Variants in MALT1 observed in about 807,000 individuals in gnomAD.
MALT1 encodes mucosa-associated lymphoid tissue lymphoma translocation protein 1.
In MALT1, 36 loss-of-function variants were observed where a neutral mutation model predicts 85.5. The observed-to-expected ratio is 0.42, with a 90% CI of 0.32 to 0.56. MALT1 has a LOEUF of 0.56. Among genes scored for constraint, MALT1 ranks in the 20% least tolerant of loss-of-function variants. MALT1 has a pLI of 0.10. For missense variants in MALT1, 716 were observed against 981.6 expected (o/e 0.73, Z 3.62); for synonymous variants, 359 against 361.3 (o/e 0.99, Z 0.07).
rs2054159490 is a variant in MALT1, at chr18:58,671,570, G to A, written c.-74G>A. The stretch of plus-strand genomic sequence containing the variant: ...TGCCTCCGCGGCTCGGAGGCGAGCG[G>A]AAGGTGCCCCGGGGCCGAGGCCCGT... On this transcript the variant is annotated 5_prime_UTR_variant, in exon 1 of 17. Coordinates refer to ENST00000649217, the MANE Select transcript of MALT1 (RefSeq NM_006785.4). The A allele has an allele frequency of 2.9e-6, 3 of 1,024,732 alleles. No individual in the cohort carries two copies. The highest frequency in any genetic ancestry group is 2.5e-6 in the Non-Finnish European group (2 of 806,338). The allele number at this position is 1,024,732 out of a possible 1,614,324, so 63.5% of individuals were successfully genotyped here.
intron 10 of MALT1, among the ~76,000 whole-genome samples, chr18:58,724,142 T>C (rs2055021912): frequency 6.6e-6 from 1 of 152,234 alleles, no homozygotes; most frequent in Non-Finnish European, 1.5e-5. Context: ...CTGAATTTAC[T>C]CTTGTTATTT....
At chr18:58,672,356 C>T (rs1458044188) in intron 1 of MALT1, 1 of 152,362 alleles carries the variant, frequency 6.6e-6, no homozygotes, top group Non-Finnish European at 1.5e-5. Flanking sequence ...AAGACTGACG[C>T]CGAACTCATC....
intron 13 of MALT1, among the ~76,000 whole-genome samples, chr18:58,736,470 C>T (rs1453857999): frequency 6.6e-6 from 1 of 151,480 alleles, no homozygotes; most frequent in Non-Finnish European, 1.5e-5. Context: ...GAAAGAAAAC[C>T]TTTGGATTAT....
chr18:58,710,940 G>A lies in MALT1; in HGVS notation c.945G>A (p.Val315=). 1.3e-6 allele frequency: 2 copies of A among 1,578,220 alleles called. No individual in the cohort carries two copies. Among genetic ancestry groups the A allele is most frequent in the Non-Finnish European group, 1.7e-6 (2 of 1,166,090 alleles). Residue 315 remains valine, a synonymous_variant, in exon 7 of 17, where the codon GTG becomes GTA. Transcript: ENST00000649217. The part of the protein sequence containing the change: ...EIIIGRTDEA[V]ECTEDELNNL... Reference sequence around the variant, plus strand: ...AACAAGGAAGAACAGATGAGGCAGTGGAGTGCACTGAAGGTAGTGTAAGTC... The same window carrying A: ...AACAAGGAAGAACAGATGAGGCAGTAGAGTGCACTGAAGGTAGTGTAAGTC...
chr18:58,720,613 C>T (rs1216526536), intron 9 of MALT1, among the ~76,000 whole-genome samples: 2 of 152,134 alleles, frequency 1.3e-5, no homozygotes, highest in Non-Finnish European at 2.9e-5. Context: ...TAAACTGTAC[C>T]AAGTATTCTT....
chr18:58,692,241 G>A (rs905886682), intron 2 of MALT1: 1 of 152,108 alleles, frequency 6.6e-6, no homozygotes, highest in Non-Finnish European at 1.5e-5. Context: ...GAGCCTCAGT[G>A]CTCATCTAGC....
rs766584932 is a variant in MALT1 at position 58,710,011 on chromosome 18, C to T, written c.864C>T (p.Tyr288=). 51 of 1,611,736 alleles carry T rather than the reference C, an allele frequency of 3.2e-5. No individual in the cohort carries two copies. The highest frequency in any genetic ancestry group is 8.4e-5 in the Admixed American group (5 of 59,762). Residue 288 remains tyrosine (Y), a synonymous_variant, in exon 6 of 17, where the codon TAC becomes TAT. Transcript: ENST00000649217. ...PYVDLEHQGT[Y]WCHVYNDRDS... ...TGGATTTGGAACACCAAGGAACCTA[C>T]TGGTGTCATGTATATAATGATCGAG... is the stretch of plus-strand genomic sequence containing the variant.
chr18:58,730,651 G>A (rs1246801914), intron 10 of MALT1, among the ~76,000 whole-genome samples: 9 of 152,228 alleles, frequency 5.9e-5, no homozygotes. Flanking sequence ...GTACCTGGAA[G>A]TGAAATTCCT....
intron 1 of MALT1, among the ~76,000 whole-genome samples, chr18:58,677,052 A>T (rs1008278996): frequency 3.3e-5 from 5 of 152,194 alleles, no homozygotes; most frequent in African/African-American, 1.2e-4. Flanking sequence ...TTAAATCAAA[A>T]ATTCTAAATT....
At chr18:58,705,650 G>T (rs1258390053) in intron 4 of MALT1, among the ~76,000 whole-genome samples, 4 of 150,488 alleles carry the variant, frequency 2.7e-5, no homozygotes, top group East Asian at 2.0e-4. Context: ...CAAAGGACAT[G>T]AACTCATCAT....
chr18:58,735,064 C>T (rs1439282278), intron 12 of MALT1, 138 bp from the exon 13 acceptor site: 3 of 529,252 alleles, frequency 5.7e-6, no homozygotes, highest in Non-Finnish European at 8.9e-6. Flanking sequence ...ACGCTGTCCC[C>T]ACCCCCCCCC....
At chr18:58,708,939 C>T (rs899388459) in intron 4 of MALT1, among the ~76,000 whole-genome samples, 6 of 152,130 alleles carry the variant, frequency 3.9e-5, no homozygotes, top group African/African-American at 1.4e-4. Flanking sequence ...TTATTCAGTG[C>T]GGGTTACAAA....
At chr18:58,744,210 T>C in intron 14 of MALT1, 128 bp from the exon 15 acceptor site, 1 of 516,650 alleles carries the variant, frequency 1.9e-6, no homozygotes, top group Admixed American at 3.7e-5. Flanking sequence ...ATTTTTTAAA[T>C]TGTATGTGTT....
chr18:58,733,394 C>T lies in MALT1; in HGVS notation c.1223-3C>T, dbSNP rs1279750435. Reference sequence around the variant, plus strand: ...ATCTCTCTCTTATTTTTCCTCTTTTCAGGGTTATTATATTATGCAGGACAT... The same window carrying T: ...ATCTCTCTCTTATTTTTCCTCTTTTTAGGGTTATTATATTATGCAGGACAT... On this transcript the variant is annotated splice_polypyrimidine_tract_variant and splice_region_variant and intron_variant, in intron 10 of 16. Coordinates refer to ENST00000649217, the MANE Select transcript of MALT1 (RefSeq NM_006785.4). 1.3e-6 allele frequency: 2 copies of T among 1,584,110 alleles called. No homozygotes were observed.
At chr18:58,720,046 G>A (rs1452446325) in intron 9 of MALT1, among the ~76,000 whole-genome samples, 1 of 152,106 alleles carries the variant, frequency 6.6e-6, no homozygotes, top group Non-Finnish European at 1.5e-5. Context: ...ATTAAACTTT[G>A]GAAGACGTTT....
rs578169416 is a variant in MALT1, at chr18:58,748,355, T to G, written c.*513T>G. 1 of 191,086 alleles carries G rather than the reference T, an allele frequency of 5.2e-6. No individual in the cohort carries two copies. Among genetic ancestry groups the G allele is most frequent in the Admixed American group, 6.1e-5 (1 of 16,292 alleles). The allele number at this position is 191,086 out of a possible 1,614,324, so 11.8% of individuals were successfully genotyped here. Reference sequence around the variant, plus strand: ...CTGACAGGTTCTGAGATAAGTGTTATGTTTGTAGATAGAGTGAAATATATT... The same window carrying G: ...CTGACAGGTTCTGAGATAAGTGTTAGGTTTGTAGATAGAGTGAAATATATT... On this transcript the variant is annotated 3_prime_UTR_variant, in exon 17 of 17. Transcript: ENST00000649217.
chr18:58,725,186 GTGGTGCA>G (rs2055036729), intron 10 of MALT1, among the ~76,000 whole-genome samples: 1 of 151,830 alleles, frequency 6.6e-6, no homozygotes, highest in East Asian at 1.9e-4. Context: ...GCTGGGCGTG[GTGGTGCA>G]TGCCTGTAAT....
At chr18:58,725,129 CAA>C (rs60468299) in intron 10 of MALT1, among the ~76,000 whole-genome samples, 3 of 118,424 alleles carry the variant, frequency 2.5e-5, no homozygotes, top group Admixed American at 8.6e-5. Flanking sequence ...GACTCCGTCT[CAA>C]AAAAAAAAAA....
chr18:58,712,176 AAT>A (rs2054839992), intron 7 of MALT1, among the ~76,000 whole-genome samples: 1 of 152,190 alleles, frequency 6.6e-6, no homozygotes, highest in African/African-American at 2.4e-5. Flanking sequence ...TAGAGATGAA[AAT>A]CCAGTTACGA....
Sources: gnomAD v4.1 joint callset for allele counts (sites outside exome capture counted in the v4.1 genomes callset) on GRCh38, gnomAD v4.1.1 for gene constraint, MANE v1.5 for transcripts, NCBI Gene and HGNC (gene_info 2026-07-23, HGNC 2026-07-21) for gene names.